The following ITGB2 variants were observed in gnomAD, a reference collection of about 807,000 sequenced individuals.
ITGB2 encodes the protein integrin subunit beta 2.
A neutral mutation model predicts 86.8 loss-of-function variants in ITGB2; 56 were observed. That is an observed-to-expected ratio of 0.65 (90% confidence interval 0.52 to 0.81). The LOEUF (loss-of-function observed/expected upper bound fraction) is 0.81. Among genes scored for constraint, ITGB2 ranks in the 30% least tolerant of loss-of-function variants. The pLI, the probability that ITGB2 is intolerant of heterozygous loss-of-function variation, is 0.00. For synonymous variants in ITGB2, 457 were observed against 450.4 expected, an observed-to-expected ratio of 1.01 and a Z score of -0.19; for missense variants, 948 against 1,061.2, an observed-to-expected ratio of 0.89 and a Z score of 1.48.
intron 1 of ITGB2, among the ~76,000 whole-genome samples, chr21:44,918,880 G>A (rs148788656): frequency 1.5e-3 from 141 of 95,842 alleles, no homozygotes; most frequent in African/African-American, 7.0e-3. Flanking sequence ...CCCAGCCCAC[G>A]CCCACCAGGA....
chr21:44,911,059 G>GCA (rs983969912), intron 1 of ITGB2: 82 of 542,908 alleles, frequency 1.5e-4, no homozygotes, highest in East Asian at 6.3e-4. Flanking sequence ...CACAACACAG[G>GCA]CACACACACA....
chr21:44,905,851 C>T (rs774289172), intron 4 of ITGB2, among the ~76,000 whole-genome samples: 5 of 152,142 alleles, frequency 3.3e-5, no homozygotes, highest in Non-Finnish European at 7.4e-5. Flanking sequence ...TGGCCGCCTG[C>T]ACCCTGGGCC....
At chr21:44,901,086 G>A (rs73239719) in intron 6 of ITGB2, among the ~76,000 whole-genome samples, 3,209 of 152,264 alleles carry the variant, frequency 0.021, 40 homozygotes, top group Non-Finnish European at 0.024. Flanking sequence ...CTGGGTGGGC[G>A]GGACGTGGAG....
intron 14 of ITGB2, among the ~76,000 whole-genome samples, chr21:44,887,985 T>C (rs1409425143): frequency 4.6e-5 from 7 of 152,210 alleles, no homozygotes. Flanking sequence ...CCAGCCCCTC[T>C]GCCTCTCAGG....
upstream of ITGB2, chr21:44,920,977 T>G (rs1157803167): frequency 6.6e-6 from 1 of 152,338 alleles, no homozygotes; most frequent in African/African-American, 2.4e-5. Context: ...GAGGAAGTGG[T>G]GGGTTGCACC....
At chr21:44,918,124 G>A (rs989275332) in intron 1 of ITGB2, among the ~76,000 whole-genome samples, 3 of 152,246 alleles carry the variant, frequency 2.0e-5, no homozygotes, top group Non-Finnish European at 4.4e-5. Flanking sequence ...CCACTGCAGA[G>A]CCCCTTGAGT....
intron 8 of ITGB2, among the ~76,000 whole-genome samples, chr21:44,897,613 G>T (rs573076797): frequency 1.3e-5 from 2 of 152,210 alleles, no homozygotes; most frequent in Non-Finnish European, 2.9e-5. Flanking sequence ...CTGAGGGCTC[G>T]GGGTAAGGAA....
intron 10 of ITGB2, 88 bp from the exon 11 acceptor site, chr21:44,892,084 G>A: frequency 2.3e-6 from 3 of 1,298,932 alleles, no homozygotes; most frequent in South Asian, 1.2e-5. Flanking sequence ...GCCTCTGCAG[G>A]GGTCCTGGGG....
At chr21:44,908,055 T>C (rs1484556023) in intron 3 of ITGB2, 1 of 717,540 alleles carries the variant, frequency 1.4e-6, no homozygotes, top group Non-Finnish European at 2.6e-6. Context: ...AAACCCAGCC[T>C]GACCAAGGTA....
chr21:44,915,017 C>T lies in ITGB2; in HGVS notation c.-3-4232G>A, dbSNP rs139903050. On this transcript the variant is annotated intron_variant, in intron 1 of 15. Coordinates refer to ENST00000652462, the MANE Select transcript of ITGB2 (RefSeq NM_000211.5). ...AGCCTATGCTGGGAGAGGAATCCAG[C>T]GGGGTCAGGCTTCCTTTTTATTTTT... Among the ~76,000 whole-genome samples the T allele has an allele frequency of 3.9e-3, 592 of 152,238 alleles. 1 individual carries two copies. The highest frequency in any genetic ancestry group is 0.013 in the African/African-American group (560 of 41,540).
At position 44,886,851 on chromosome 21, in the gene ITGB2, C is replaced by CCTG; in HGVS notation, c.2129_2131dup (p.Ala710dup). 6.2e-7 allele frequency: 1 copy of CCTG among 1,613,610 alleles called. No individual in the cohort carries two copies. The highest frequency in any genetic ancestry group is 8.5e-7 in the Non-Finnish European group (1 of 1,179,994). On this transcript the variant is annotated inframe_insertion, in exon 15 of 16. Coordinates refer to ENST00000652462, the MANE Select transcript of ITGB2 (RefSeq NM_000211.5). ...CAGGAGAATGCCGATCAGCACGATGCCTGCCACGGTGCCCCCGACGATGGC... is the reference window on the plus strand; with the variant it reads ...CAGGAGAATGCCGATCAGCACGATGCCTGCTGCCACGGTGCCCCCGACGATGGC...
intron 8 of ITGB2, 31 bp from the exon 9 acceptor site, chr21:44,895,091 G>A (rs754426404): frequency 3.3e-6 from 5 of 1,527,748 alleles, no homozygotes; most frequent in South Asian, 1.1e-5. Context: ...ACATGGCACG[G>A]CTAGGACCTG....
intron 1 of ITGB2, among the ~76,000 whole-genome samples, chr21:44,911,634 G>A (rs1171896196): frequency 6.6e-6 from 1 of 152,370 alleles, no homozygotes; most frequent in African/African-American, 2.4e-5. Context: ...CACCTGACTT[G>A]CCCAAGCCAC....
intron 10 of ITGB2, 22 bp downstream of exon 10, chr21:44,893,382 G>T (rs1220712117): frequency 1.2e-6 from 2 of 1,612,768 alleles, no homozygotes; most frequent in Non-Finnish European, 1.7e-6. Flanking sequence ...GCTGGGATGG[G>T]GACCCTTGTG....
Position 44,886,921 on chromosome 21 carries a change from A to T in ITGB2, c.2081-19T>A. ...ACACACTCTAGGGAAGAAGCAGCAC[A>T]CCTGAGCGTCAGTCCAGCCCCATCT... On this transcript the variant is annotated intron_variant, in intron 14 of 15. Coordinates refer to ENST00000652462, the MANE Select transcript of ITGB2 (RefSeq NM_000211.5). 1 of 1,610,752 alleles carries T rather than the reference A, an allele frequency of 6.2e-7. No individual in the cohort carries two copies. Among genetic ancestry groups the T allele is most frequent in the Non-Finnish European group, 8.5e-7 (1 of 1,179,926 alleles).
At position 44,887,041 on chromosome 21, in the gene ITGB2, A is replaced by G; in HGVS notation, c.2081-139T>C. Reference sequence around the variant, plus strand: ...GGGCCCCGGCTCACCATCCATCACCATGGCCAGGGGTCAGTGAGAACCTGG... The same window carrying G: ...GGGCCCCGGCTCACCATCCATCACCGTGGCCAGGGGTCAGTGAGAACCTGG... On this transcript the variant is annotated intron_variant, in intron 14 of 15. Coordinates refer to ENST00000652462, the MANE Select transcript of ITGB2 (RefSeq NM_000211.5). The G allele has an allele frequency of 4.9e-6, 5 of 1,017,212 alleles. No individual in the cohort carries two copies. The South Asian group carries it at 6.9e-5, about 14-fold the overall frequency. The allele number at this position is 1,017,212 out of a possible 1,614,324, so 63.0% of individuals were successfully genotyped here. A position where few individuals can be genotyped will look rare whatever the true frequency, so the allele number is the denominator to read the frequency against.
chr21:44,928,699 A>C (rs2084407739), exon 1 of ITGB2: 1 of 166,234 alleles, frequency 6.0e-6, no homozygotes, highest in South Asian at 1.3e-4. Context: ...TTGCTGTCAA[A>C]GCATGCCACT....
chr21:44,892,015 C>T lies in ITGB2; in HGVS notation c.1225-19G>A, dbSNP rs375555430. The T allele has an allele frequency of 1.9e-6, 3 of 1,609,112 alleles. No individual in the cohort carries two copies. Among genetic ancestry groups the T allele is most frequent in the Admixed American group, 3.3e-5 (2 of 59,892 alleles). On this transcript the variant is annotated intron_variant, in intron 10 of 15. Transcript: ENST00000652462. ...AGGTGATCTGCAGGGCAGTGCTGGGCTCAGGTGGGGACCCTCGGTGGCCAG... is the reference window on the plus strand; with the variant it reads ...AGGTGATCTGCAGGGCAGTGCTGGGTTCAGGTGGGGACCCTCGGTGGCCAG...
At chr21:44,897,027 G>A (rs551361765) in intron 8 of ITGB2, among the ~76,000 whole-genome samples, 19 of 152,188 alleles carry the variant, frequency 1.2e-4, no homozygotes, top group East Asian at 5.8e-4. Flanking sequence ...GTGGATGTCC[G>A]GCCCCAGCCC....
Sources: allele counts gnomAD v4.1 joint callset (sites outside exome capture counted in the v4.1 genomes callset), GRCh38; gene constraint gnomAD v4.1.1; transcripts MANE v1.5; gene names NCBI Gene and HGNC (gene_info 2026-07-23, HGNC 2026-07-21).